GNB4: variants seen among roughly 807,000 people sequenced by gnomAD.
The protein encoded by GNB4 is guanine nucleotide-binding protein subunit beta-4.
A neutral mutation model predicts 45.2 loss-of-function variants in GNB4; 28 were observed. The ratio of observed to expected loss-of-function variants is 0.62; its 90% CI spans 0.46 to 0.85. GNB4 has a LOEUF of 0.85. Ranked by LOEUF, GNB4 falls within the 40% of genes least tolerant of loss-of-function variation. GNB4 has a pLI of 0.00. For missense variants in GNB4, 321 were observed against 425.4 expected (o/e 0.75, Z 2.16); for synonymous variants, 132 against 143.7 (o/e 0.92, Z 0.58).
intron 2 of GNB4, among the ~76,000 whole-genome samples, chr3:179,422,241 T>TA (rs1577032399): frequency 1.3e-5 from 2 of 152,304 alleles, no homozygotes; most frequent in East Asian, 3.9e-4. Context: ...ATTCTACAAA[T>TA]ATGTTAGCAG....
At chr3:179,480,976 C>A in the GNB4 span, among the ~76,000 whole-genome samples, 3 of 151,066 alleles carry the variant, frequency 2.0e-5, no homozygotes, top group Non-Finnish European at 4.4e-5. Flanking sequence ...TCAGCCTCCC[C>A]AGTAGCTGGG....
chr3:179,401,353 G>A (rs1714294777), intron 9 of GNB4, 34 bp from the exon 10 acceptor site: 4 of 1,475,782 alleles, frequency 2.7e-6, no homozygotes, highest in South Asian at 1.2e-5. Flanking sequence ...ATTGGCAATT[G>A]TAGGGTTTTA....
chr3:179,479,252 C>G, the GNB4 span, among the ~76,000 whole-genome samples: 6 of 152,022 alleles, frequency 3.9e-5, no homozygotes, highest in Non-Finnish European at 7.4e-5. Flanking sequence ...TACAAGACAC[C>G]AAGACACACC....
At chr3:179,420,520 TG>T (rs1714948203) in intron 3 of GNB4, among the ~76,000 whole-genome samples, 1 of 151,218 alleles carries the variant, frequency 6.6e-6, no homozygotes, top group African/African-American at 2.4e-5. Flanking sequence ...TGGAGTACAA[TG>T]GTGCGATCTC....
At chr3:179,407,667 A>G (rs987126804) in intron 8 of GNB4, among the ~76,000 whole-genome samples, 4 of 152,146 alleles carry the variant, frequency 2.6e-5, no homozygotes, top group Admixed American at 2.6e-4. Context: ...GTCAGAGAGG[A>G]CAATGCTTGG....
chr3:179,426,058 T>G (rs980856547), intron 2 of GNB4, 86 bp downstream of exon 2: 1 of 993,434 alleles, frequency 1.0e-6, no homozygotes, highest in African/African-American at 1.7e-5. Context: ...AGAAATCATT[T>G]AATATAGACT....
At chr3:179,475,187 A>G in the GNB4 span, among the ~76,000 whole-genome samples, 110,399 of 151,738 alleles carry the variant, frequency 0.73, 40,320 homozygotes, top group East Asian at 0.98. Context: ...GCACAATCTC[A>G]GCTCGCTGCA....
At chr3:179,494,263 A>G in the GNB4 span, among the ~76,000 whole-genome samples, 6 of 121,308 alleles carry the variant, frequency 4.9e-5, no homozygotes, top group Non-Finnish European at 1.2e-4. Context: ...AGAAGAAAGG[A>G]AGAAAGAAAG....
At chr3:179,527,251 A>G in the GNB4 span, among the ~76,000 whole-genome samples, 1 of 152,274 alleles carries the variant, frequency 6.6e-6, no homozygotes, top group Middle Eastern at 3.4e-3. Context: ...TTGAAGCCAG[A>G]TATTGGCCAG....
At chr3:179,471,007 C>T in the GNB4 span, among the ~76,000 whole-genome samples, 1 of 151,840 alleles carries the variant, frequency 6.6e-6, no homozygotes, top group Non-Finnish European at 1.5e-5. Flanking sequence ...GTGAAACCCC[C>T]TCTCTACCAA....
chr3:179,410,884 G>C (rs1158035783), intron 8 of GNB4, among the ~76,000 whole-genome samples: 13 of 152,218 alleles, frequency 8.5e-5, no homozygotes. Flanking sequence ...ATAGCTGTAA[G>C]CCAATAAATA....
the GNB4 span, among the ~76,000 whole-genome samples, chr3:179,499,257 A>C: frequency 8.9e-5 from 13 of 146,798 alleles, no homozygotes; most frequent in South Asian, 2.8e-3. Context: ...TCCCAGGTTC[A>C]CGCCATTCTC....
the GNB4 span, chr3:179,465,222 T>C: frequency 7.1e-7 from 1 of 1,408,486 alleles, no homozygotes; most frequent in Non-Finnish European, 1.0e-6. Flanking sequence ...GTTGGAGATG[T>C]GGATTTTGAA....
the GNB4 span, among the ~76,000 whole-genome samples, chr3:179,468,026 G>T: frequency 9.9e-5 from 5 of 50,692 alleles, no homozygotes; most frequent in East Asian, 1.0e-3. Flanking sequence ...GGATCATTTT[G>T]TTGATAAAAA....
rs951605143 is a variant in GNB4, at chr3:179,405,742, T to C, written c.700-336A>G. 3.6e-4 allele frequency: 66 copies of C among 180,908 alleles called. 1 individual carries two copies. Among genetic ancestry groups the C allele is most frequent in the Non-Finnish European group, 1.5e-4 (13 of 86,070 alleles). The allele number at this position is 180,908 out of a possible 1,614,324, so 11.2% of individuals were successfully genotyped here. ...ATATATATGTGTGTGTGTGTGGCTGTTGTAGAACGAATGGCAAGGAGATAA... is the reference window on the plus strand; with the variant it reads ...ATATATATGTGTGTGTGTGTGGCTGCTGTAGAACGAATGGCAAGGAGATAA... On this transcript the variant is annotated intron_variant, in intron 8 of 9. Coordinates refer to ENST00000232564, the MANE Select transcript of GNB4 (RefSeq NM_021629.4).
At chr3:179,446,976 A>C (rs1715748843) in intron 1 of GNB4, among the ~76,000 whole-genome samples, 4 of 152,212 alleles carry the variant, frequency 2.6e-5, no homozygotes, top group Admixed American at 1.3e-4. Flanking sequence ...TCCTATTGCC[A>C]CAGTGCTTTG....
At chr3:179,454,170 G>A (rs1441105541), upstream of GNB4, among the ~76,000 whole-genome samples, 4 of 152,174 alleles carry the variant, frequency 2.6e-5, no homozygotes, top group Non-Finnish European at 5.9e-5. Flanking sequence ...GGGTGCCACT[G>A]GCTGATAATT....
chr3:179,418,461 ACT>A (rs1220389725), intron 4 of GNB4, among the ~76,000 whole-genome samples: 2 of 133,704 alleles, frequency 1.5e-5, no homozygotes, highest in Non-Finnish European at 1.6e-5. Context: ...CAAGAGTGAA[ACT>A]CTGTCTCAAA....
chr3:179,492,093 C>G, the GNB4 span, among the ~76,000 whole-genome samples: 29 of 152,206 alleles, frequency 1.9e-4, no homozygotes, highest in African/African-American at 6.8e-4. Flanking sequence ...CCTGGGCTCT[C>G]ATCTCCCAGA....
Sources: gnomAD v4.1 joint callset for allele counts (sites outside exome capture counted in the v4.1 genomes callset) on GRCh38, gnomAD v4.1.1 for gene constraint, MANE v1.5 for transcripts, NCBI Gene and HGNC (gene_info 2026-07-23, HGNC 2026-07-21) for gene names.